The following SATB2 variants were observed in gnomAD, a reference collection of about 807,000 sequenced individuals.
The protein encoded by SATB2 is SATB homeobox 2, also known as DNA-binding protein SATB2.
In SATB2, 1 loss-of-function variant was observed where a neutral mutation model predicts 73.4. The ratio of observed to expected loss-of-function variants is 0.01; its 90% CI spans 0.00 to 0.06. SATB2 has a LOEUF of 0.06. Among genes scored for constraint, SATB2 ranks in the 10% least tolerant of loss-of-function variants. The pLI is 1.00. For synonymous variants in SATB2, 397 were observed against 367.0 expected, an observed-to-expected ratio of 1.08 and a Z score of -0.93; for missense variants, 459 against 945.8, an observed-to-expected ratio of 0.49 and a Z score of 6.75.
intron 2 of SATB2, among the ~76,000 whole-genome samples, chr2:199,453,703 C>T (rs530313053): frequency 6.6e-6 from 1 of 151,984 alleles, no homozygotes; most frequent in Non-Finnish European, 1.5e-5. Context: ...TAAACTTAAA[C>T]TCATAATTTT....
chr2:199,364,091 C>T (rs187178976), intron 6 of SATB2, among the ~76,000 whole-genome samples: 109 of 152,304 alleles, frequency 7.2e-4, no homozygotes, highest in African/African-American at 2.5e-3. Flanking sequence ...CTTATGGAAC[C>T]AGGTCAGGGG....
At chr2:199,470,958 C>T (rs1343480338) in intron 1 of SATB2, 1 of 152,460 alleles carries the variant, frequency 6.6e-6, no homozygotes, top group Non-Finnish European at 1.5e-5. Context: ...TGACCCAAGA[C>T]GCGGGAGAGA....
rs1691421651 is a variant in SATB2 at position 199,429,036 on chromosome 2, G to GA, written c.346+4301dup. On this transcript the variant is annotated intron_variant, in intron 3 of 10. Coordinates refer to ENST00000417098, the MANE Select transcript of SATB2 (RefSeq NM_001172509.2). ...AAAAAAAAAAAAAGAAAGAAAGAAAGAAAAAAACCAACTCTAAGAAATCCC... is the reference window on the plus strand; with the variant it reads ...AAAAAAAAAAAAAGAAAGAAAGAAAGAAAAAAAACCAACTCTAAGAAATCCC... 2.8e-5 allele frequency among the ~76,000 whole-genome samples: 4 copies of GA among 143,560 alleles called. No individual in the cohort carries two copies. In the South Asian group the frequency reaches 6.8e-4, roughly 24 times the overall value. 94.2% of individuals were successfully genotyped at this position (143,560 alleles called of 152,430 possible). A position where few individuals can be genotyped will look rare whatever the true frequency, so the allele number is the denominator to read the frequency against.
chr2:199,325,881 C>A (rs1688015460), intron 8 of SATB2: 2 of 152,274 alleles, frequency 1.3e-5, no homozygotes, highest in South Asian at 4.1e-4. Context: ...TCATTCTTAT[C>A]TTAGTATTGT....
intron 2 of SATB2, among the ~76,000 whole-genome samples, chr2:199,439,961 C>T (rs1279212408): frequency 1.3e-5 from 2 of 151,986 alleles, no homozygotes; most frequent in South Asian, 2.1e-4. Context: ...AAAAACTAGC[C>T]GGACATGGTG....
At chr2:199,312,134 G>C (rs1405096220) in intron 9 of SATB2, among the ~76,000 whole-genome samples, 1 of 151,946 alleles carries the variant, frequency 6.6e-6, no homozygotes, top group African/African-American at 2.4e-5. Flanking sequence ...ATGTTCAATG[G>C]GAACTCATGA....
chr2:199,284,602 T>G (rs1692629892), intron 10 of SATB2, among the ~76,000 whole-genome samples: 1 of 152,180 alleles, frequency 6.6e-6, no homozygotes, highest in Admixed American at 6.5e-5. Context: ...TGTCTTTCAT[T>G]AAGTCAGACT....
intron 10 of SATB2, among the ~76,000 whole-genome samples, chr2:199,285,637 A>T (rs971796736): frequency 6.6e-6 from 1 of 152,012 alleles, no homozygotes; most frequent in East Asian, 1.9e-4. Context: ...CAGGTGTTAG[A>T]TTACATTTTG....
intron 9 of SATB2, among the ~76,000 whole-genome samples, chr2:199,321,376 C>CATAGACATATATATGTCTATAT (rs1559160032): frequency 5.0e-5 from 7 of 138,876 alleles, no homozygotes; most frequent in South Asian, 4.4e-4. Context: ...TATGTCTATA[C>CATAGACATATATATGTCTATAT]ATAGACATAT....
intron 6 of SATB2, among the ~76,000 whole-genome samples, chr2:199,362,696 A>G (rs569886603): frequency 5.3e-5 from 8 of 152,300 alleles, no homozygotes; most frequent in African/African-American, 1.9e-4. Flanking sequence ...CCTGCCAGGT[A>G]TTATATATAA....
intron 2 of SATB2, among the ~76,000 whole-genome samples, chr2:199,440,862 T>G (rs1691794753): frequency 6.6e-6 from 1 of 152,014 alleles, no homozygotes; most frequent in South Asian, 2.1e-4. Flanking sequence ...CTTTTTTTTT[T>G]TTTTTTAGAT....
Position 199,368,636 on chromosome 2 carries a change from C to T in SATB2, c.669G>A (p.Gly223=). ...TCTTCTTGTACTTTTTATACCATCT[C>T]CCAAACTCCTGGCACTTGGTTGCTG... ...NVSATKCQEF[G]RWYKKYKKIK... Residue 223 remains glycine, a synonymous_variant, in exon 6 of 11, where the codon GGG becomes GGA. Coordinates refer to ENST00000417098, the MANE Select transcript of SATB2 (RefSeq NM_001172509.2). 1 of 1,609,480 alleles carries T rather than the reference C, an allele frequency of 6.2e-7. No homozygotes were observed. Among genetic ancestry groups the T allele is most frequent in the African/African-American group, 1.3e-5 (1 of 74,880 alleles).
chr2:199,393,372 C>G (rs537943179), intron 3 of SATB2, among the ~76,000 whole-genome samples: 97 of 152,224 alleles, frequency 6.4e-4, no homozygotes, highest in African/African-American at 2.2e-3. Context: ...GACCCTTCCC[C>G]AGCATTCTGC....
chr2:199,320,330 AG>A (rs569347077), intron 9 of SATB2, among the ~76,000 whole-genome samples: 52 of 152,348 alleles, frequency 3.4e-4, no homozygotes, highest in African/African-American at 1.2e-3. Flanking sequence ...GGTAATCCTC[AG>A]AATTCACACA....
At chr2:199,318,870 T>C (rs1687807549) in intron 9 of SATB2, among the ~76,000 whole-genome samples, 1 of 152,102 alleles carries the variant, frequency 6.6e-6, no homozygotes, top group African/African-American at 2.4e-5. Context: ...TCAAGCAAAT[T>C]AGACCACCTA....
chr2:199,283,876 G>A (rs1369823419), intron 10 of SATB2, among the ~76,000 whole-genome samples: 1 of 152,194 alleles, frequency 6.6e-6, no homozygotes, highest in Non-Finnish European at 1.5e-5. Context: ...GTAGCATACT[G>A]AGGGAAGATG....
intron 10 of SATB2, among the ~76,000 whole-genome samples, chr2:199,304,697 G>A (rs1687381988): frequency 6.6e-6 from 1 of 152,212 alleles, no homozygotes; most frequent in Admixed American, 6.5e-5. Context: ...AGCTTACGAA[G>A]TGTGTTCAGA....
intron 10 of SATB2, among the ~76,000 whole-genome samples, chr2:199,279,677 G>A (rs1692423361): frequency 6.6e-6 from 1 of 152,262 alleles, no homozygotes; most frequent in African/African-American, 2.4e-5. Flanking sequence ...GTAGGGTAAG[G>A]TATATTCATA....
intron 2 of SATB2, among the ~76,000 whole-genome samples, chr2:199,440,721 T>G (rs59489302): frequency 0.02 from 3,019 of 152,234 alleles, 100 homozygotes; most frequent in African/African-American, 0.069. Context: ...TAGTTGGCTT[T>G]TTCTTAACTC....
Sources: gnomAD v4.1 joint callset for allele counts (sites outside exome capture counted in the v4.1 genomes callset) on GRCh38, gnomAD v4.1.1 for gene constraint, MANE v1.5 for transcripts, NCBI Gene and HGNC (gene_info 2026-07-23, HGNC 2026-07-21) for gene names.